DHX57: variants seen among roughly 807,000 people sequenced by gnomAD.
DHX57 encodes DExH-box helicase 57.
DHX57 carries 105 observed loss-of-function variants against 156.2 expected under a neutral mutation model. The observed-to-expected ratio is 0.67, with a 90% CI of 0.57 to 0.79. The LOEUF is 0.79. Ranked by LOEUF, DHX57 falls within the 30% of genes least tolerant of loss-of-function variation. DHX57 has a pLI of 0.00. For missense variants in DHX57, 1,847 were observed against 1,661.9 expected (o/e 1.11, Z -1.94); for synonymous variants, 704 against 595.6 (o/e 1.18, Z -2.65).
In DHX57 at chr2:38,802,747, C is replaced by A; in HGVS notation, c.3985G>T (p.Gly1329Cys). ...RGEFVVSLDDGWIRFVAASHQ... is the reference protein window; with the variant it reads ...RGEFVVSLDDCWIRFVAASHQ... ...GAAGCAGCTACAAAACGGATCCAAC[C>A]ATCATCCAGGGAGACAACGAACTCT... The change falls in exon 23 of 24, where the codon GGT becomes TGT. Residue 1329 changes from glycine to cysteine, a missense_variant. Physicochemically the swap from Gly to Cys is radical, Grantham distance 159. Coordinates refer to ENST00000457308, the MANE Select transcript of DHX57 (RefSeq NM_198963.3). 6.2e-7 allele frequency: 1 copy of A among 1,614,148 alleles called. No homozygotes were observed. The highest frequency in any genetic ancestry group is 1.7e-5 in the Admixed American group (1 of 60,008).
At chr2:38,863,936 T>G (rs1253370972) in intron 2 of DHX57, among the ~76,000 whole-genome samples, 1 of 151,916 alleles carries the variant, frequency 6.6e-6, no homozygotes, top group Admixed American at 6.6e-5. Flanking sequence ...TCACTTGAAC[T>G]TGGAGGTAGA....
Position 38,823,173 on chromosome 2 carries a change from T to C in DHX57, c.3111A>G (p.Lys1037=), listed in dbSNP as rs1156773368. 3 of 1,614,052 alleles carry C rather than the reference T, an allele frequency of 1.9e-6. No individual in the cohort carries two copies. The highest frequency in any genetic ancestry group is 2.5e-6 in the Non-Finnish European group (3 of 1,180,056). The change falls in exon 17 of 24, where the codon AAA becomes AAG. Residue 1037 remains lysine, a synonymous_variant. Transcript: ENST00000457308. ...ATGCTCCTAAGTCTCGTAATCGTAT[T>C]TTTGAGGCACGAAGAGAATCGGTGT... is the stretch of plus-strand genomic sequence containing the variant. ...PPHTDSLRAS[K]IRLRDLGALT... is the part of the protein sequence containing the mutation.
intron 13 of DHX57, among the ~76,000 whole-genome samples, chr2:38,832,032 A>G (rs943577953): frequency 3.3e-5 from 5 of 152,074 alleles, no homozygotes; most frequent in African/African-American, 1.2e-4. Context: ...ACACACGAAA[A>G]AGAAACAAGA....
chr2:38,856,232 T>C (rs1440470767), intron 7 of DHX57, 108 bp downstream of exon 7: 7 of 1,454,652 alleles, frequency 4.8e-6, no homozygotes, highest in Non-Finnish European at 6.4e-6. Context: ...ATGTATATAA[T>C]ATCTATAAAT....
chr2:38,799,195 C>T (rs1324670063), intron 23 of DHX57, among the ~76,000 whole-genome samples: 1 of 151,412 alleles, frequency 6.6e-6, no homozygotes. Flanking sequence ...GAAACCCCGT[C>T]TCTTAGTACT....
intron 13 of DHX57, among the ~76,000 whole-genome samples, chr2:38,836,765 G>C (rs181710408): frequency 1.4e-3 from 172 of 119,944 alleles, no homozygotes; most frequent in African/African-American, 5.5e-3. Context: ...AAGAGAGTGA[G>C]ACCCTGTCTC....
intron 21 of DHX57, chr2:38,811,716 C>T (rs1343631657): frequency 9.0e-5 from 62 of 691,122 alleles, no homozygotes; most frequent in Non-Finnish European, 1.4e-4. Flanking sequence ...GCTCAGTGAA[C>T]CACTCGGGGC....
intron 1 of DHX57, among the ~76,000 whole-genome samples, chr2:38,873,679 T>C (rs955406172): frequency 1.6e-4 from 24 of 152,352 alleles, no homozygotes; most frequent in African/African-American, 5.8e-4. Context: ...ATTCCACAAA[T>C]ATTTATTGAG....
chr2:38,857,905 A>G (rs1426679949), intron 6 of DHX57, among the ~76,000 whole-genome samples: 1 of 151,958 alleles, frequency 6.6e-6, no homozygotes, highest in Non-Finnish European at 1.5e-5. Flanking sequence ...AAATCGCAGT[A>G]TTTGTTTTGT....
At chr2:38,844,195 G>A (rs1485451509) in intron 11 of DHX57, among the ~76,000 whole-genome samples, 1 of 152,124 alleles carries the variant, frequency 6.6e-6, no homozygotes, top group Non-Finnish European at 1.5e-5. Flanking sequence ...CTATGGTGAC[G>A]GTGGTGGTAT....
Position 38,861,475 on chromosome 2 carries a change from T to C in DHX57, c.935A>G (p.Asn312Ser), listed in dbSNP as rs1025022989. 1 of 1,614,090 alleles carries C rather than the reference T, an allele frequency of 6.2e-7. No homozygotes were observed. The stretch of plus-strand genomic sequence containing the variant: ...TCTGCATTTTGATCCAAATTTACAA[T>C]TTCCTTTGAGGTAAAATTTACAGAT... ...LEICKFYLKG[N>S]CKFGSKCRFK... is the part of the protein sequence containing the mutation. The change falls in exon 5 of 24, where the codon AAT (asparagine) becomes AGT (serine). Residue 312 changes from asparagine (N) to serine (S), a missense_variant. Asn to Ser is a conservative substitution (Grantham distance 46). Coordinates refer to ENST00000457308, the MANE Select transcript of DHX57 (RefSeq NM_198963.3).
intron 2 of DHX57, 32 bp from the exon 3 acceptor site, chr2:38,863,551 A>T: frequency 6.3e-7 from 1 of 1,599,458 alleles, no homozygotes; most frequent in South Asian, 1.1e-5. Context: ...AATTACACAC[A>T]TATCTTCAAT....
At chr2:38,824,006 G>A (rs1670965014) in intron 16 of DHX57, among the ~76,000 whole-genome samples, 1 of 148,758 alleles carries the variant, frequency 6.7e-6, no homozygotes, top group Non-Finnish European at 1.5e-5. Flanking sequence ...GCAAGACTCT[G>A]TTTCCACAAA....
chr2:38,864,355 G>A (rs182501460), intron 2 of DHX57, among the ~76,000 whole-genome samples: 8 of 151,484 alleles, frequency 5.3e-5, no homozygotes, highest in South Asian at 2.1e-4. Context: ...AGACCAGCCT[G>A]GGCAATATAG....
chr2:38,853,844 C>T lies in DHX57; in HGVS notation c.2030+210G>A, dbSNP rs753811306. On this transcript the variant is annotated intron_variant, in intron 9 of 23. Coordinates refer to ENST00000457308, the MANE Select transcript of DHX57 (RefSeq NM_198963.3). ...ACCTTCTAACCTAACAGGATGACTC[C>T]ATCTAATAAGTGATGAGCATGTGCT... 6 of 380,398 alleles carry T rather than the reference C, an allele frequency of 1.6e-5. No homozygotes were observed. In the Admixed American group the frequency reaches 2.4e-4, roughly 15 times the overall value. 23.6% of individuals were successfully genotyped at this position (380,398 alleles called of 1,614,324 possible).
At chr2:38,819,231 G>A in intron 17 of DHX57, 87 bp from the exon 18 acceptor site, 2 of 1,274,702 alleles carry the variant, frequency 1.6e-6, no homozygotes, top group Middle Eastern at 2.7e-4. Context: ...CTGGAGTGCA[G>A]TGGTGCGATC....
chr2:38,828,065 A>G (rs901027094), intron 14 of DHX57, among the ~76,000 whole-genome samples: 2 of 152,286 alleles, frequency 1.3e-5, no homozygotes, highest in African/African-American at 4.8e-5. Flanking sequence ...CACGTTGGTC[A>G]GGCTGGTCTC....
In DHX57 at chr2:38,806,669, G is replaced by C. The variant is rs760024447; in HGVS notation, c.3706C>G (p.Gln1236Glu). Residue 1236 changes from glutamine to glutamate, a missense_variant, in exon 22 of 24, where the codon CAG becomes GAG. Coordinates refer to ENST00000457308, the MANE Select transcript of DHX57 (RefSeq NM_198963.3). ...CTGACAGCTCCAGTACTGGTCTTCT[G>C]AAATTTTCCTTCTGGGCTTTTCACC... ...VQVKSPEGKF[Q>E]KTSTGAVRMQ... The C allele has an allele frequency of 1.9e-6, 3 of 1,613,906 alleles. No homozygotes were observed. Among genetic ancestry groups the C allele is most frequent in the South Asian group, 1.1e-5 (1 of 91,030 alleles).
At chr2:38,832,934 C>G (rs554430787) in intron 13 of DHX57, among the ~76,000 whole-genome samples, 3 of 150,890 alleles carry the variant, frequency 2.0e-5, no homozygotes, top group African/African-American at 7.3e-5. Flanking sequence ...GCTGTAGGCA[C>G]TGTTCTAGGG....
Sources: gnomAD v4.1 joint callset for allele counts (sites outside exome capture counted in the v4.1 genomes callset) on GRCh38, gnomAD v4.1.1 for gene constraint, MANE v1.5 for transcripts, NCBI Gene and HGNC (gene_info 2026-07-23, HGNC 2026-07-21) for gene names.